STK39: variants seen among roughly 807,000 people sequenced by gnomAD.
STK39 encodes the protein STE20/SPS1-related proline-alanine-rich protein kinase.
Under a neutral mutation model 77.8 loss-of-function variants are expected in STK39, and 20 were observed. The ratio of observed to expected loss-of-function variants is 0.26; its 90% CI spans 0.18 to 0.37. The LOEUF (loss-of-function observed/expected upper bound fraction) is 0.37, where lower values mean the gene tolerates loss of function less well. Ranked by LOEUF, STK39 falls within the 10% of genes least tolerant of loss-of-function variation. STK39 has a pLI of 1.00. For missense variants in STK39, 479 were observed against 656.5 expected (o/e 0.73, Z 2.95); for synonymous variants, 246 against 234.1 (o/e 1.05, Z -0.47).
At chr2:167,964,615 C>T in intron 17 of STK39, 47 bp downstream of exon 17, 1 of 1,512,652 alleles carries the variant, frequency 6.6e-7, no homozygotes, top group South Asian at 1.2e-5. Flanking sequence ...CCTGCTGGCA[C>T]AGCATGGCAA....
chr2:168,158,028 G>A (rs1275220160), intron 5 of STK39, among the ~76,000 whole-genome samples: 1 of 152,032 alleles, frequency 6.6e-6, no homozygotes, highest in Admixed American at 6.6e-5. Context: ...CATTAATTCT[G>A]GACAAACAGG....
chr2:168,119,456 T>C (rs959510961), intron 10 of STK39, among the ~76,000 whole-genome samples: 6 of 152,180 alleles, frequency 3.9e-5, no homozygotes, highest in Admixed American at 3.3e-4. Flanking sequence ...AAATGGTAGA[T>C]TGCTTTGATT....
intron 1 of STK39, among the ~76,000 whole-genome samples, chr2:168,224,011 G>A (rs1690244218): frequency 6.6e-6 from 1 of 151,914 alleles, no homozygotes; most frequent in Non-Finnish European, 1.5e-5. Flanking sequence ...CTTTTGTCAT[G>A]TATTACTTTA....
At chr2:168,129,854 G>C in intron 8 of STK39, 96 bp from the exon 9 acceptor site, 1 of 1,426,710 alleles carries the variant, frequency 7.0e-7, no homozygotes, top group Non-Finnish European at 9.8e-7. Context: ...ATTTCTGGAA[G>C]ACCAATTTTA....
At chr2:168,227,464 C>T (rs774492459) in intron 1 of STK39, among the ~76,000 whole-genome samples, 17 of 152,122 alleles carry the variant, frequency 1.1e-4, no homozygotes, top group South Asian at 2.1e-4. Context: ...CTCCCACATC[C>T]GCATGAAATC....
chr2:168,027,333 CT>C (rs1354479964), intron 14 of STK39, among the ~76,000 whole-genome samples: 1 of 152,180 alleles, frequency 6.6e-6, no homozygotes, highest in African/African-American at 2.4e-5. Flanking sequence ...ATTTAACTTA[CT>C]GCAAAAGTGT....
chr2:168,052,229 C>T (rs1685417330), intron 14 of STK39, among the ~76,000 whole-genome samples: 1 of 152,120 alleles, frequency 6.6e-6, no homozygotes, highest in African/African-American at 2.4e-5. Flanking sequence ...TGACAGAGAA[C>T]CTGCCTTGCA....
chr2:168,210,663 G>A (rs1689866925), intron 1 of STK39, among the ~76,000 whole-genome samples: 1 of 152,028 alleles, frequency 6.6e-6, no homozygotes, highest in African/African-American at 2.4e-5. Context: ...GGGACCACAG[G>A]CACCTGCCAC....
intron 10 of STK39, among the ~76,000 whole-genome samples, chr2:168,115,234 AAAAT>A (rs1189977084): frequency 6.6e-6 from 1 of 152,254 alleles, no homozygotes; most frequent in Non-Finnish European, 1.5e-5. Flanking sequence ...TCCAATGCCA[AAAAT>A]AAATAATATT....
intron 1 of STK39, among the ~76,000 whole-genome samples, chr2:168,222,058 G>C (rs567062449): frequency 6.6e-6 from 1 of 152,154 alleles, no homozygotes; most frequent in South Asian, 2.1e-4. Flanking sequence ...CATGTTTATA[G>C]AGTAGTGTAT....
intron 17 of STK39, among the ~76,000 whole-genome samples, chr2:167,963,457 A>C (rs1692055225): frequency 1.3e-5 from 2 of 151,954 alleles, no homozygotes; most frequent in Non-Finnish European, 2.9e-5. Flanking sequence ...AAAATGAATA[A>C]AGGGACATAT....
chr2:168,181,833 T>A, intron 2 of STK39, 145 bp downstream of exon 2: 1 of 625,860 alleles, frequency 1.6e-6, no homozygotes, highest in East Asian at 2.8e-5. Flanking sequence ...CCCATTAATC[T>A]GGGGAGCAGG....
chr2:168,038,480 GA>G (rs1251490549), intron 14 of STK39, among the ~76,000 whole-genome samples: 2 of 148,552 alleles, frequency 1.3e-5, no homozygotes, highest in Non-Finnish European at 3.0e-5. Flanking sequence ...GAAAACATAG[GA>G]AAAAAACGAA....
At chr2:168,172,194 T>C (rs1352449675) in intron 2 of STK39, among the ~76,000 whole-genome samples, 1 of 152,346 alleles carries the variant, frequency 6.6e-6, no homozygotes, top group East Asian at 1.9e-4. Flanking sequence ...GTCTGTTCAA[T>C]GTCTCAGTTT....
intron 16 of STK39, among the ~76,000 whole-genome samples, chr2:168,003,065 C>A (rs902050504): frequency 2.0e-5 from 3 of 152,308 alleles, no homozygotes; most frequent in South Asian, 4.1e-4. Context: ...CTCACTGCAA[C>A]CTCCGCCTCC....
intron 14 of STK39, among the ~76,000 whole-genome samples, chr2:168,056,461 C>T (rs578234124): frequency 1.3e-5 from 2 of 152,218 alleles, no homozygotes; most frequent in African/African-American, 2.4e-5. Context: ...CAGCCACCCA[C>T]ACAGCATTAG....
At chr2:168,144,013 G>A (rs779875843) in intron 5 of STK39, among the ~76,000 whole-genome samples, 2 of 152,200 alleles carry the variant, frequency 1.3e-5, no homozygotes, top group Non-Finnish European at 2.9e-5. Flanking sequence ...GGCTCTTGGT[G>A]AGTAATTTGA....
At chr2:168,180,000 T>G (rs1459250488) in intron 2 of STK39, among the ~76,000 whole-genome samples, 1 of 139,162 alleles carries the variant, frequency 7.2e-6, no homozygotes, top group Non-Finnish European at 1.5e-5. Context: ...TGTATCAATA[T>G]TCTGCTAATG....
At chr2:168,028,984 T>C (rs1024926714) in intron 14 of STK39, among the ~76,000 whole-genome samples, 1 of 152,236 alleles carries the variant, frequency 6.6e-6, no homozygotes, top group African/African-American at 2.4e-5. Context: ...GATAAATGCA[T>C]TTTTAAGACA....
Sources: allele counts gnomAD v4.1 joint callset (sites outside exome capture counted in the v4.1 genomes callset), GRCh38; gene constraint gnomAD v4.1.1; transcripts MANE v1.5; gene names NCBI Gene and HGNC (gene_info 2026-07-23, HGNC 2026-07-21).